MAP3K7CL: variants seen among roughly 807,000 people sequenced by gnomAD.
The protein encoded by MAP3K7CL is MAP3K7 C-terminal like, also known as MAP3K7 C-terminal-like protein.
MAP3K7CL carries 16 observed loss-of-function variants against 18.6 expected under a neutral mutation model. The ratio of observed to expected loss-of-function variants is 0.86; its 90% CI spans 0.58 to 1.31. MAP3K7CL has a LOEUF of 1.31. Ranked by LOEUF, MAP3K7CL falls within the 50% of genes most tolerant of loss-of-function variation. The pLI is 0.00. For synonymous variants in MAP3K7CL, 65 were observed against 66.8 expected (o/e 0.97, Z 0.13); for missense variants, 163 against 174.4 (o/e 0.93, Z 0.37).
chr21:29,167,343 T>C (rs1044485436), intron 4 of MAP3K7CL, among the ~76,000 whole-genome samples: 1 of 152,198 alleles, frequency 6.6e-6, no homozygotes, highest in African/African-American at 2.4e-5. Flanking sequence ...AAAATCAATG[T>C]GAGACTTATA....
At chr21:29,147,118 G>A (rs888980865) in intron 2 of MAP3K7CL, among the ~76,000 whole-genome samples, 8 of 152,132 alleles carry the variant, frequency 5.3e-5, no homozygotes, top group African/African-American at 1.9e-4. Flanking sequence ...ATTTAAAATA[G>A]CTTTGGTTTT....
At chr21:29,079,371 A>C (rs962521035) in intron 1 of MAP3K7CL, among the ~76,000 whole-genome samples, 2 of 152,224 alleles carry the variant, frequency 1.3e-5, no homozygotes, top group East Asian at 3.9e-4. Context: ...GCAAAGGCCC[A>C]TGCTAATCTG....
At chr21:29,093,577 G>A (rs1328717280) in intron 4 of MAP3K7CL, among the ~76,000 whole-genome samples, 1 of 152,078 alleles carries the variant, frequency 6.6e-6, no homozygotes, top group Non-Finnish European at 1.5e-5. Flanking sequence ...CGCCTCCTGG[G>A]TTCACGCCAT....
chr21:29,091,879 T>C, intron 3 of MAP3K7CL: 1 of 589,542 alleles, frequency 1.7e-6, no homozygotes, highest in Non-Finnish European at 3.0e-6. Flanking sequence ...ATAATTCCAT[T>C]TAATATTCAC....
At chr21:29,092,719 G>A (rs2086051187) in intron 4 of MAP3K7CL, 3 of 838,346 alleles carry the variant, frequency 3.6e-6, no homozygotes, top group Admixed American at 5.3e-5. Flanking sequence ...GCTCTACGAC[G>A]TGCTGGGTGT....
chr21:29,090,520 A>G (rs1024388641), intron 1 of MAP3K7CL, among the ~76,000 whole-genome samples: 1 of 151,988 alleles, frequency 6.6e-6, no homozygotes, highest in Non-Finnish European at 1.5e-5. Flanking sequence ...AGCTGGGACT[A>G]CAGGCACCCC....
intron 3 of MAP3K7CL, among the ~76,000 whole-genome samples, chr21:29,150,496 T>A (rs2087243296): frequency 6.6e-6 from 1 of 152,180 alleles, no homozygotes; most frequent in African/African-American, 2.4e-5. Context: ...CAGAGCATTA[T>A]CAGTTATGTA....
At chr21:29,084,238 G>T (rs1022768492), upstream of MAP3K7CL, among the ~76,000 whole-genome samples, 2 of 151,846 alleles carry the variant, frequency 1.3e-5, no homozygotes, top group African/African-American at 4.8e-5. Context: ...ATCATAAGTA[G>T]CACAACACTA....
At chr21:29,164,899 A>G (rs1271994637) in intron 4 of MAP3K7CL, among the ~76,000 whole-genome samples, 1 of 152,212 alleles carries the variant, frequency 6.6e-6, no homozygotes, top group African/African-American at 2.4e-5. Flanking sequence ...AGACATTTTA[A>G]TATAATTGCA....
At chr21:29,091,522 C>T (rs1252138648) in exon 2 of MAP3K7CL, 1 of 700,304 alleles carries the variant, frequency 1.4e-6, no homozygotes. Context: ...GTCACGCAGG[C>T]TGGAATGCAG....
chr21:29,124,122 A>C (rs2086642250), intron 4 of MAP3K7CL, among the ~76,000 whole-genome samples: 1 of 152,144 alleles, frequency 6.6e-6, no homozygotes, highest in African/African-American at 2.4e-5. Context: ...TGGGAGGCTG[A>C]GGCTGGTGGA....
At chr21:29,099,632 A>G (rs2086186221) in intron 4 of MAP3K7CL, among the ~76,000 whole-genome samples, 1 of 152,142 alleles carries the variant, frequency 6.6e-6, no homozygotes, top group Admixed American at 6.5e-5. Context: ...AGTTGTAGCA[A>G]AAGTATGTTG....
At chr21:29,100,034 G>A (rs2086196565) in intron 4 of MAP3K7CL, among the ~76,000 whole-genome samples, 1 of 145,634 alleles carries the variant, frequency 6.9e-6, no homozygotes, top group Non-Finnish European at 1.5e-5. Context: ...AGTGAGCCGA[G>A]ATCACGCCAC....
chr21:29,078,516 G>A (rs956848116), intron 1 of MAP3K7CL, among the ~76,000 whole-genome samples: 1 of 151,738 alleles, frequency 6.6e-6, no homozygotes. Context: ...GGCATGCTGG[G>A]CATCATTGCT....
chr21:29,141,269 G>T (rs973781011), intron 2 of MAP3K7CL, among the ~76,000 whole-genome samples: 1 of 152,046 alleles, frequency 6.6e-6, no homozygotes, highest in Non-Finnish European at 1.5e-5. Flanking sequence ...TAATCCCAGC[G>T]CTTTGGGAGG....
chr21:29,136,814 C>G (rs552031508), intron 2 of MAP3K7CL, among the ~76,000 whole-genome samples: 1 of 152,340 alleles, frequency 6.6e-6, no homozygotes, highest in African/African-American at 2.4e-5. Context: ...AGCCACCACA[C>G]CTGGCCCGAC....
intron 4 of MAP3K7CL, among the ~76,000 whole-genome samples, chr21:29,122,618 CTTAAG>C (rs2086613863): frequency 6.6e-6 from 1 of 152,238 alleles, no homozygotes; most frequent in South Asian, 2.1e-4. Flanking sequence ...AGCCGTCCCT[CTTAAG>C]TTAAGCTGCT....
chr21:29,080,149 A>G (rs1210964665), intron 1 of MAP3K7CL, among the ~76,000 whole-genome samples: 1 of 152,220 alleles, frequency 6.6e-6, no homozygotes, highest in East Asian at 1.9e-4. Context: ...AACTGTGTTT[A>G]TCAGTCTCTC....
intron 4 of MAP3K7CL, among the ~76,000 whole-genome samples, chr21:29,172,488 T>C (rs757441204): frequency 3.3e-5 from 5 of 152,198 alleles, no homozygotes; most frequent in Non-Finnish European, 7.3e-5. Context: ...CTTCCAGTTT[T>C]CATCACACAT....
Sources: allele counts gnomAD v4.1 joint callset (sites outside exome capture counted in the v4.1 genomes callset), GRCh38; gene constraint gnomAD v4.1.1; transcripts MANE v1.5; gene names NCBI Gene and HGNC (gene_info 2026-07-23, HGNC 2026-07-21).